Variants in NPHP4 observed in about 807,000 individuals in gnomAD.
NPHP4 encodes the protein nephrocystin 4, also known as nephrocystin-4.
Under a neutral mutation model 155.8 loss-of-function variants are expected in NPHP4, and 151 were observed. The observed-to-expected ratio is 0.97, with a 90% CI of 0.85 to 1.11. The LOEUF is 1.11. NPHP4 is among the 50% of genes least tolerant of loss of function. The pLI, the probability that NPHP4 is intolerant of heterozygous loss-of-function variation, is 0.00. For synonymous variants in NPHP4, 845 were observed against 816.8 expected (o/e 1.03, Z -0.59); for missense variants, 1,956 against 1,925.7 (o/e 1.02, Z -0.29).
At chr1:5,946,813 T>C (rs1196587205) in intron 9 of NPHP4, among the ~76,000 whole-genome samples, 1 of 152,246 alleles carries the variant, frequency 6.6e-6, no homozygotes, top group Admixed American at 6.5e-5. Flanking sequence ...CCAAAAGGAC[T>C]GACTTCAGAG....
intron 11 of NPHP4, among the ~76,000 whole-genome samples, chr1:5,914,130 T>G (rs1645332338): frequency 1.3e-5 from 2 of 151,972 alleles, no homozygotes; most frequent in Admixed American, 6.6e-5. Flanking sequence ...TTAAAAGTAC[T>G]GACTACCAGC....
intron 16 of NPHP4, 103 bp downstream of exon 16, chr1:5,904,514 T>C: frequency 1.2e-6 from 1 of 862,922 alleles, no homozygotes; most frequent in Non-Finnish European, 1.7e-6. Context: ...ATGTTGCATA[T>C]GTTTTAAACT....
At chr1:5,909,081 G>T in intron 12 of NPHP4, 71 bp downstream of exon 12, 1 of 1,268,108 alleles carries the variant, frequency 7.9e-7, no homozygotes, top group East Asian at 2.5e-5. Context: ...TGCTTAAGGG[G>T]GGACAGAGGG....
intron 5 of NPHP4, among the ~76,000 whole-genome samples, chr1:5,964,929 A>ATTTT (rs1557850444): frequency 7.9e-5 from 2 of 25,340 alleles, no homozygotes; most frequent in African/African-American, 7.4e-4. Context: ...ATATATATAT[A>ATTTT]TATATATATA....
intron 22 of NPHP4, chr1:5,873,666 C>T (rs926400462): frequency 7.2e-6 from 3 of 418,916 alleles, no homozygotes; most frequent in Admixed American, 4.3e-5. Flanking sequence ...CCACCTTAAG[C>T]GATGACCACC....
intron 11 of NPHP4, among the ~76,000 whole-genome samples, chr1:5,917,415 A>AG (rs541497915): frequency 2.0e-5 from 3 of 151,958 alleles, no homozygotes; most frequent in African/African-American, 7.2e-5. Context: ...AGGGGAGGGG[A>AG]GGGGGTAGGG....
chr1:5,943,981 C>T (rs901329774), intron 9 of NPHP4, among the ~76,000 whole-genome samples: 6 of 151,796 alleles, frequency 4.0e-5, no homozygotes, highest in African/African-American at 1.5e-4. Flanking sequence ...GTGCAGGGAG[C>T]GCACCACATG....
rs1643873256 is a variant in NPHP4 at position 5,887,268 on chromosome 1, A to C, written c.2485+18T>G. ...TGGGCGGCCGCTGGAGAAATGGCACAAGGCTGGGGACTCTTACCCACGTTG... is the reference window on the plus strand; with the variant it reads ...TGGGCGGCCGCTGGAGAAATGGCACCAGGCTGGGGACTCTTACCCACGTTG... On this transcript the variant is annotated intron_variant, in intron 18 of 29. Coordinates refer to ENST00000378156, the MANE Select transcript of NPHP4 (RefSeq NM_015102.5). 8 of 1,605,402 alleles carry C rather than the reference A, an allele frequency of 5.0e-6. No individual in the cohort carries two copies. The highest frequency in any genetic ancestry group is 4.5e-5 in the East Asian group (2 of 44,576).
At chr1:5,866,922 G>A in intron 25 of NPHP4, 108 bp downstream of exon 25, 1 of 819,234 alleles carries the variant, frequency 1.2e-6, no homozygotes, top group Non-Finnish European at 2.1e-6. Flanking sequence ...AAACCACTTA[G>A]CAGAAAACCT....
chr1:5,989,711 C>T (rs1416321189), intron 1 of NPHP4, among the ~76,000 whole-genome samples: 5 of 152,246 alleles, frequency 3.3e-5, no homozygotes, highest in Non-Finnish European at 5.9e-5. Context: ...GGAAGTCTCT[C>T]CTGACGCAGA....
chr1:5,978,967 AAG>A (rs1316449985), intron 2 of NPHP4, among the ~76,000 whole-genome samples: 2 of 152,214 alleles, frequency 1.3e-5, no homozygotes, highest in African/African-American at 4.8e-5. Context: ...GCAAAGCAAA[AAG>A]CAGATCTTTG....
rs530579645 is a variant in NPHP4, at chr1:5,885,762, G to C, written c.2485+1524C>G. 6.6e-5 allele frequency among the ~76,000 whole-genome samples: 10 copies of C among 152,374 alleles called. No homozygotes were observed. In the East Asian group the frequency reaches 7.7e-4, roughly 12 times the overall value. The stretch of plus-strand genomic sequence containing the variant: ...ATGGCCAGCACCCACGCTGCTAGCA[G>C]AGAGACGCCTACTGTACCACAGAAT... On this transcript the variant is annotated intron_variant, in intron 18 of 29. Transcript: ENST00000378156.
At position 5,880,096 on chromosome 1, in the gene NPHP4, C is replaced by T. The variant is rs1210102510; in HGVS notation, c.2611+18G>A. On this transcript the variant is annotated intron_variant, in intron 19 of 29. Coordinates refer to ENST00000378156, the MANE Select transcript of NPHP4 (RefSeq NM_015102.5). ...ACTCACGACCCACCCACACATGGGC[C>T]CAACAGTGTAAACTCACGCCTTGAG... is the stretch of plus-strand genomic sequence containing the variant. 2.5e-6 allele frequency: 4 copies of T among 1,613,468 alleles called. No individual in the cohort carries two copies. The highest frequency in any genetic ancestry group is 3.4e-6 in the Non-Finnish European group (4 of 1,179,698).
rs1200903847 is a variant in NPHP4, at chr1:5,910,643, A to G, written c.1442-1430T>C. On this transcript the variant is annotated intron_variant, in intron 11 of 29. Transcript: ENST00000378156. The surrounding 1 kb of genome is among the most constrained non-coding windows in gnomAD (Gnocchi z 5.4). ...TGGGCACTCTGGATAGAGACTGCTC[A>G]GCCACTTCGTGTTCCGCTCTGAATC... Among the ~76,000 whole-genome samples the G allele has an allele frequency of 3.9e-5, 6 of 152,230 alleles. 1 individual carries two copies. The highest frequency in any genetic ancestry group is 2.6e-4 in the Admixed American group (4 of 15,290).
At chr1:5,912,142 C>A (rs1351968720) in intron 11 of NPHP4, among the ~76,000 whole-genome samples, 1 of 152,204 alleles carries the variant, frequency 6.6e-6, no homozygotes, top group Non-Finnish European at 1.5e-5. Context: ...ATGGAAGCTA[C>A]CTCAGCAGAA....
chr1:5,885,963 A>G (rs1643766023), intron 18 of NPHP4, among the ~76,000 whole-genome samples: 1 of 152,198 alleles, frequency 6.6e-6, no homozygotes, highest in Admixed American at 6.5e-5. Flanking sequence ...TGGCTATCTC[A>G]GCCTCCCCTT....
At chr1:5,960,885 A>G (rs1056786394) in intron 6 of NPHP4, among the ~76,000 whole-genome samples, 43 of 152,174 alleles carry the variant, frequency 2.8e-4, no homozygotes, top group African/African-American at 9.2e-4. Flanking sequence ...TTCAGTTTCC[A>G]AAAATCCTCA....
chr1:5,969,985 C>T (rs1227892709), intron 3 of NPHP4, among the ~76,000 whole-genome samples: 12 of 152,118 alleles, frequency 7.9e-5, no homozygotes, highest in Non-Finnish European at 8.8e-5. Context: ...TCAAATTGAT[C>T]TTAAAAGGTT....
chr1:5,880,402 C>G (rs1643155549), intron 18 of NPHP4, 163 bp from the exon 19 acceptor site: 1 of 660,230 alleles, frequency 1.5e-6, no homozygotes, highest in East Asian at 2.8e-5. Context: ...AATTGAGAGA[C>G]AGGTGGGAGC....
Sources: gnomAD v4.1 joint callset for allele counts (sites outside exome capture counted in the v4.1 genomes callset) on GRCh38, gnomAD v4.1.1 for gene constraint, Gnocchi (gnomAD v3.1) non-coding constraint, MANE v1.5 for transcripts, NCBI Gene and HGNC (gene_info 2026-07-23, HGNC 2026-07-21) for gene names.